JDP2: variants seen among roughly 807,000 people sequenced by gnomAD.
JDP2 encodes progesterone receptor co-activator.
Under a neutral mutation model 17.1 loss-of-function variants are expected in JDP2, and 9 were observed. The observed-to-expected ratio is 0.53, with a 90% CI of 0.32 to 0.92. The LOEUF is 0.92. Ranked by LOEUF, JDP2 falls within the 40% of genes least tolerant of loss-of-function variation. The pLI is 0.04. For missense variants in JDP2, 179 were observed against 220.0 expected, an observed-to-expected ratio of 0.81 and a Z score of 1.18; for synonymous variants, 107 against 95.6, an observed-to-expected ratio of 1.12 and a Z score of -0.69.
At chr14:75,437,495 C>T (rs1015156547) in intron 1 of JDP2, among the ~76,000 whole-genome samples, 15 of 152,180 alleles carry the variant, frequency 9.9e-5, no homozygotes, top group Admixed American at 9.8e-4. Flanking sequence ...CCAGCTCCAC[C>T]AATTTTAACT....
intron 3 of JDP2, among the ~76,000 whole-genome samples, chr14:75,468,791 G>A (rs1886679465): frequency 6.6e-6 from 1 of 152,222 alleles, no homozygotes; most frequent in Non-Finnish European, 1.5e-5. Flanking sequence ...TACACTCACT[G>A]ATCCCACCGG....
intron 1 of JDP2, among the ~76,000 whole-genome samples, chr14:75,431,337 C>T (rs1884787206): frequency 6.6e-6 from 1 of 152,182 alleles, no homozygotes; most frequent in Admixed American, 6.5e-5. Context: ...GCAGGAGTTC[C>T]CTGGGGGTTG....
intron 2 of JDP2, among the ~76,000 whole-genome samples, chr14:75,451,442 C>A (rs990914861): frequency 7.2e-5 from 11 of 152,136 alleles, no homozygotes; most frequent in African/African-American, 2.4e-4. Context: ...TCAGGGACAT[C>A]CACGTTGAGC....
chr14:75,469,555 T>C lies in JDP2; in HGVS notation c.*80T>C. On this transcript the variant is annotated 3_prime_UTR_variant, in exon 4 of 4. Coordinates refer to ENST00000651602, the MANE Select transcript of JDP2 (RefSeq NM_001135048.2). ...GAGAGAGGAGGAGGGGGGCCCCAGA[T>C]GGCCCTTCCTTTGGTGCATGAAAAA... 5 of 1,287,600 alleles carry C rather than the reference T, an allele frequency of 3.9e-6. No individual in the cohort carries two copies. The highest frequency in any genetic ancestry group is 2.4e-5 in the East Asian group (1 of 41,350). The allele number at this position is 1,287,600 out of a possible 1,614,324, so 79.8% of individuals were successfully genotyped here. A position where few individuals can be genotyped will look rare whatever the true frequency, so the allele number is the denominator to read the frequency against.
At chr14:75,442,113 A>T (rs115998512) in intron 2 of JDP2, among the ~76,000 whole-genome samples, 2 of 152,076 alleles carry the variant, frequency 1.3e-5, no homozygotes, top group Admixed American at 1.3e-4. Context: ...GAGGCTGCAC[A>T]CTGTCGTTAA....
intron 3 of JDP2, among the ~76,000 whole-genome samples, chr14:75,468,010 C>A (rs1469903305): frequency 6.6e-6 from 1 of 152,048 alleles, no homozygotes. Flanking sequence ...AAGACGGGAC[C>A]CCTGGAGGGA....
chr14:75,449,142 A>G (rs527773650), intron 2 of JDP2, among the ~76,000 whole-genome samples: 1 of 152,268 alleles, frequency 6.6e-6, no homozygotes, highest in East Asian at 1.9e-4. Flanking sequence ...ATTGGATGAA[A>G]TGCATGTTTT....
At chr14:75,445,631 C>CTACCTAG (rs1203985071) in intron 2 of JDP2, 2 of 969,466 alleles carry the variant, frequency 2.1e-6, no homozygotes, top group Non-Finnish European at 1.2e-6. Context: ...AAATAGACCC[C>CTACCTAG]TACCTAGTAC....
intron 2 of JDP2, among the ~76,000 whole-genome samples, chr14:75,439,927 A>G (rs550000759): frequency 6.6e-6 from 1 of 152,334 alleles, no homozygotes; most frequent in African/African-American, 2.4e-5. Context: ...ATGAAGAGCC[A>G]GGTGTCTTGG....
At position 75,444,675 on chromosome 14, in the gene JDP2, C is replaced by T. The variant is rs147002281; in HGVS notation, c.201+6554C>T. On this transcript the variant is annotated intron_variant, in intron 2 of 3. Transcript: ENST00000651602. ...ACATCCTCATCACAGAGCTTCATCG[C>T]GAAGATTAAGTGAGGTGCTGTGTGA... Among the ~76,000 whole-genome samples, 486 of 152,312 alleles carry T rather than the reference C, an allele frequency of 3.2e-3. 6 individuals carry two copies. The highest frequency in any genetic ancestry group is 0.011 in the African/African-American group (465 of 41,562).
intron 2 of JDP2, among the ~76,000 whole-genome samples, chr14:75,455,961 C>T (rs552021125): frequency 1.6e-4 from 25 of 152,276 alleles, no homozygotes; most frequent in Non-Finnish European, 3.7e-4. Flanking sequence ...GCTTTCTCAG[C>T]GGTTTTAGGA....
chr14:75,451,603 T>C (rs1246814034), intron 2 of JDP2, among the ~76,000 whole-genome samples: 2 of 152,108 alleles, frequency 1.3e-5, no homozygotes, highest in African/African-American at 4.8e-5. Context: ...AGGCCAAGGA[T>C]GGGACCTGGA....
At position 75,472,507 on chromosome 14, in the gene JDP2, G is replaced by A. The variant is rs1218257770; in HGVS notation, c.*3032G>A. 1 of 152,150 alleles carries A rather than the reference G, an allele frequency of 6.6e-6. No individual in the cohort carries two copies. The highest frequency in any genetic ancestry group is 2.4e-5 in the African/African-American group (1 of 41,402). 9.4% of individuals were successfully genotyped at this position (152,150 alleles called of 1,614,324 possible). ...AAGTCTCAGGCAAACCATCTCCAAG[G>A]GTGTTCACAGAAGACACACCTTAAA... On this transcript the variant is annotated 3_prime_UTR_variant, in exon 4 of 4. Transcript: ENST00000651602.
chr14:75,439,090 G>C (rs564732324), intron 2 of JDP2, among the ~76,000 whole-genome samples: 5 of 152,282 alleles, frequency 3.3e-5, no homozygotes, highest in South Asian at 2.1e-4. Context: ...GATGAGCCTG[G>C]GGGGAGCTCG....
chr14:75,436,461 C>A (rs191370425), intron 1 of JDP2, among the ~76,000 whole-genome samples: 1 of 152,194 alleles, frequency 6.6e-6, no homozygotes, highest in Non-Finnish European at 1.5e-5. Context: ...GCTAAGCCAG[C>A]GAATATTTTG....
At chr14:75,459,715 A>G (rs1167425501) in intron 2 of JDP2, among the ~76,000 whole-genome samples, 1 of 152,220 alleles carries the variant, frequency 6.6e-6, no homozygotes, top group Non-Finnish European at 1.5e-5. Context: ...TGGCAAGCCC[A>G]GGACAATCCA....
chr14:75,454,080 T>A (rs1337024583), intron 2 of JDP2, among the ~76,000 whole-genome samples: 14 of 152,226 alleles, frequency 9.2e-5, no homozygotes, highest in Admixed American at 9.2e-4. Context: ...TCTGGGCTGC[T>A]GTTTGTCACA....
chr14:75,450,229 A>G (rs1231642258), intron 2 of JDP2, among the ~76,000 whole-genome samples: 2 of 152,160 alleles, frequency 1.3e-5, no homozygotes, highest in African/African-American at 4.8e-5. Flanking sequence ...TTCAGTTCAT[A>G]CAGAAGGTGT....
chr14:75,466,980 T>A (rs1886593005), intron 3 of JDP2, among the ~76,000 whole-genome samples: 1 of 152,220 alleles, frequency 6.6e-6, no homozygotes, highest in South Asian at 2.1e-4. Context: ...CTCTCTGGTT[T>A]ACAGAGTGCT....
Sources: allele counts gnomAD v4.1 joint callset (sites outside exome capture counted in the v4.1 genomes callset), GRCh38; gene constraint gnomAD v4.1.1; transcripts MANE v1.5; gene names NCBI Gene and HGNC (gene_info 2026-07-23, HGNC 2026-07-21).